The following SLC9A2 variants were observed in gnomAD, a reference collection of about 807,000 sequenced individuals.
The protein encoded by SLC9A2 is sodium/hydrogen exchanger 2.
SLC9A2 carries 42 observed loss-of-function variants against 71.7 expected under a neutral mutation model. The observed-to-expected ratio is 0.59, with a 90% CI of 0.46 to 0.76. The LOEUF is 0.76. Among genes scored for constraint, SLC9A2 ranks in the 30% least tolerant of loss-of-function variants. SLC9A2 has a pLI of 0.00. For missense variants in SLC9A2, 829 were observed against 1,017.4 expected (o/e 0.81, Z 2.52); for synonymous variants, 396 against 392.5 (o/e 1.01, Z -0.10).
chr2:102,660,124 G>A (rs1219061964), intron 2 of SLC9A2, among the ~76,000 whole-genome samples: 1 of 152,166 alleles, frequency 6.6e-6, no homozygotes, highest in Non-Finnish European at 1.5e-5. Flanking sequence ...AAAGGTAGCA[G>A]GCCATCCAGA....
At chr2:102,624,728 G>T (rs1256731779) in intron 1 of SLC9A2, among the ~76,000 whole-genome samples, 1 of 152,028 alleles carries the variant, frequency 6.6e-6, no homozygotes, top group Non-Finnish European at 1.5e-5. Flanking sequence ...CCCCTAAGTT[G>T]GAGTAAGATG....
At position 102,704,576 on chromosome 2, in the gene SLC9A2, C is replaced by A. The variant is rs202139053; in HGVS notation, c.1878C>A (p.Ala626=). ...CCTACAACAGACACAGTCTGACAGCCGACACAAGTGAGAGACAAGCCAAGG... is the reference window on the plus strand; with the variant it reads ...CCTACAACAGACACAGTCTGACAGCAGACACAAGTGAGAGACAAGCCAAGG... ...TLSYNRHSLT[A]DTSERQAKEI... The change falls in exon 10 of 12, where the codon GCC becomes GCA. Residue 626 remains alanine, a synonymous_variant. Transcript: ENST00000233969. 1.5e-5 allele frequency: 24 copies of A among 1,613,024 alleles called. No homozygotes were observed. The Admixed American group carries it at 1.7e-4, about 11-fold the overall frequency.
intron 3 of SLC9A2, among the ~76,000 whole-genome samples, chr2:102,676,579 C>T (rs1261427149): frequency 1.3e-5 from 2 of 152,142 alleles, no homozygotes; most frequent in Non-Finnish European, 1.5e-5. Context: ...AAAGATTGTT[C>T]AGTTTTTATG....
At chr2:102,635,488 T>C (rs1403315887) in intron 1 of SLC9A2, among the ~76,000 whole-genome samples, 1 of 152,250 alleles carries the variant, frequency 6.6e-6, no homozygotes, top group Non-Finnish European at 1.5e-5. Flanking sequence ...CTCTGTATCC[T>C]GTTGCCCAGG....
chr2:102,688,229 G>C (rs529699505), intron 5 of SLC9A2, among the ~76,000 whole-genome samples: 1 of 152,228 alleles, frequency 6.6e-6, no homozygotes, highest in East Asian at 1.9e-4. Flanking sequence ...GTGAAATACA[G>C]TTACATAAAG....
intron 5 of SLC9A2, among the ~76,000 whole-genome samples, chr2:102,687,014 G>C (rs1438735403): frequency 6.6e-6 from 1 of 152,154 alleles, no homozygotes; most frequent in Non-Finnish European, 1.5e-5. Flanking sequence ...GAGACATCTG[G>C]GGATCATTGT....
At chr2:102,625,912 G>A (rs1213178188) in intron 1 of SLC9A2, among the ~76,000 whole-genome samples, 4 of 152,274 alleles carry the variant, frequency 2.6e-5, no homozygotes, top group South Asian at 2.1e-4. Context: ...TTCCACAATG[G>A]TTGAACTAGT....
chr2:102,621,994 G>C (rs1676149116), intron 1 of SLC9A2, among the ~76,000 whole-genome samples: 2 of 152,300 alleles, frequency 1.3e-5, no homozygotes, highest in East Asian at 1.9e-4. Context: ...CTTCATGCCA[G>C]ATAAGATTAA....
chr2:102,699,272 G>A (rs563096305), intron 7 of SLC9A2, among the ~76,000 whole-genome samples: 6 of 152,166 alleles, frequency 3.9e-5, no homozygotes, highest in Non-Finnish European at 5.9e-5. Context: ...GGAATAGTAA[G>A]TATAAAGACT....
chr2:102,626,456 AACC>A (rs1215326244), intron 1 of SLC9A2, among the ~76,000 whole-genome samples: 1 of 152,218 alleles, frequency 6.6e-6, no homozygotes, highest in East Asian at 1.9e-4. Flanking sequence ...TTAGACCTAA[AACC>A]ATAAAAACCC....
chr2:102,697,804 T>A (rs1017341519), intron 7 of SLC9A2, among the ~76,000 whole-genome samples: 6 of 151,574 alleles, frequency 4.0e-5, no homozygotes, highest in Admixed American at 2.0e-4. Context: ...GTTTCAGGCA[T>A]GTTGGGTGTC....
chr2:102,700,225 T>G (rs1339783366), intron 7 of SLC9A2, among the ~76,000 whole-genome samples: 1 of 152,028 alleles, frequency 6.6e-6, no homozygotes, highest in African/African-American at 2.4e-5. Context: ...AGATGTTGAG[T>G]AAGTAGCCAA....
chr2:102,638,393 A>C (rs768131011), intron 1 of SLC9A2, among the ~76,000 whole-genome samples: 5 of 152,206 alleles, frequency 3.3e-5, no homozygotes, highest in Non-Finnish European at 5.9e-5. Context: ...TGGTTGACAT[A>C]CTCTGACCAT....
intron 5 of SLC9A2, among the ~76,000 whole-genome samples, chr2:102,692,719 GC>G (rs1433802597): frequency 6.6e-6 from 1 of 152,078 alleles, no homozygotes; most frequent in African/African-American, 2.4e-5. Flanking sequence ...TTTAAAATCA[GC>G]CTCTCAAGTT....
chr2:102,700,942 A>G, intron 7 of SLC9A2, 128 bp from the exon 8 acceptor site: 3 of 635,752 alleles, frequency 4.7e-6, no homozygotes, highest in Non-Finnish European at 8.3e-6. Context: ...ATATAAAATG[A>G]CCAGATTAGC....
At chr2:102,679,664 C>G (rs1315311894) in intron 3 of SLC9A2, among the ~76,000 whole-genome samples, 1 of 152,184 alleles carries the variant, frequency 6.6e-6, no homozygotes, top group African/African-American at 2.4e-5. Flanking sequence ...AGGCGTGAGC[C>G]ACTGCGCCCA....
At position 102,655,604 on chromosome 2, in the gene SLC9A2, C is replaced by T. The variant is rs181492425; in HGVS notation, c.290-1960C>T. On this transcript the variant is annotated intron_variant, in intron 1 of 11. Transcript: ENST00000233969. ...GTGTCACTAGGCAACAGGAATTTTT[C>T]AGCTCCATGATAATTTTATGGAACC... Among the ~76,000 whole-genome samples the T allele has an allele frequency of 5.3e-4, 81 of 152,328 alleles. No homozygotes were observed. In the East Asian group the frequency reaches 0.013, roughly 25 times the overall value.
At chr2:102,666,139 G>A (rs1677133513) in intron 3 of SLC9A2, among the ~76,000 whole-genome samples, 1 of 147,826 alleles carries the variant, frequency 6.8e-6, no homozygotes. Context: ...TAACAGCTTA[G>A]TCATTCAAAG....
At chr2:102,646,295 G>A (rs1676722644) in intron 1 of SLC9A2, among the ~76,000 whole-genome samples, 1 of 152,164 alleles carries the variant, frequency 6.6e-6, no homozygotes, top group Admixed American at 6.5e-5. Context: ...AAGAGCTCCT[G>A]AAGGAAGCAC....
Sources: allele counts gnomAD v4.1 joint callset (sites outside exome capture counted in the v4.1 genomes callset), GRCh38; gene constraint gnomAD v4.1.1; transcripts MANE v1.5; gene names NCBI Gene and HGNC (gene_info 2026-07-23, HGNC 2026-07-21).